LONP2: variants seen among roughly 807,000 people sequenced by gnomAD.
LONP2 encodes lon peptidase 2, peroxisomal.
LONP2 carries 60 observed loss-of-function variants against 85.6 expected under a neutral mutation model. The ratio of observed to expected loss-of-function variants is 0.70; its 90% confidence interval spans 0.57 to 0.87. LONP2 has a LOEUF of 0.87. Among genes scored for constraint, LONP2 ranks in the 40% least tolerant of loss-of-function variants. LONP2 has a pLI of 0.00. For missense variants in LONP2, 860 were observed against 1,063.5 expected (o/e 0.81, Z 2.66); for synonymous variants, 395 against 389.7 (o/e 1.01, Z -0.16).
intron 4 of LONP2, among the ~76,000 whole-genome samples, chr16:48,259,328 T>C (rs1242552723): frequency 6.6e-6 from 1 of 152,204 alleles, no homozygotes; most frequent in Non-Finnish European, 1.5e-5. Flanking sequence ...TTCCCTCAAA[T>C]AGCTTTTTGT....
chr16:48,347,767 A>G, intron 13 of LONP2, 53 bp downstream of exon 13: 1 of 1,528,228 alleles, frequency 6.5e-7, no homozygotes, highest in East Asian at 2.3e-5. Context: ...GGTACCTTCC[A>G]TGGCGGAGAC....
chr16:48,359,447 G>T (rs183632464), downstream of LONP2, among the ~76,000 whole-genome samples: 97 of 152,284 alleles, frequency 6.4e-4, no homozygotes, highest in African/African-American at 2.3e-3. Flanking sequence ...ACGCAAGGCC[G>T]GGCGCGGTGG....
rs1960229409 is a variant in LONP2, at chr16:48,353,667, TAAC to T, written c.*1866_*1868del. ...TTTGAAAATATGCCATTGACTATCT[TAAC>T]TACTGTAATTTTATCATTTCCAACG... On this transcript the variant is annotated 3_prime_UTR_variant, in exon 15 of 15. Transcript: ENST00000285737. The T allele has an allele frequency of 6.6e-6, 1 of 152,158 alleles. No homozygotes were observed. Among genetic ancestry groups the T allele is most frequent in the African/African-American group, 2.4e-5 (1 of 41,434 alleles). The allele number at this position is 152,158 out of a possible 1,614,324, so 9.4% of individuals were successfully genotyped here.
intron 8 of LONP2, 148 bp downstream of exon 8, chr16:48,277,627 CTTAAA>C (rs774596692): frequency 1.4e-4 from 88 of 633,694 alleles, no homozygotes; most frequent in Middle Eastern, 4.2e-4. Context: ...CAATTTGGCA[CTTAAA>C]TTAAAATGTT....
At chr16:48,253,359 A>G (rs574762589) in intron 2 of LONP2, among the ~76,000 whole-genome samples, 2 of 151,890 alleles carry the variant, frequency 1.3e-5, no homozygotes, top group African/African-American at 4.8e-5. Flanking sequence ...AGTCCCAGCT[A>G]CTGGGGAGGC....
chr16:48,275,697 G>A (rs927258709), intron 7 of LONP2, among the ~76,000 whole-genome samples: 1 of 152,138 alleles, frequency 6.6e-6, no homozygotes, highest in Non-Finnish European at 1.5e-5. Flanking sequence ...CTTGATTGTG[G>A]TTGAAGCAAG....
At position 48,354,030 on chromosome 16, in the gene LONP2, G is replaced by A. The variant is rs1960242402; in HGVS notation, c.*2228G>A. 1 of 129,910 alleles carries A rather than the reference G, an allele frequency of 7.7e-6. No individual in the cohort carries two copies. The highest frequency in any genetic ancestry group is 2.9e-5 in the African/African-American group (1 of 34,028). 8.0% of individuals were successfully genotyped at this position (129,910 alleles called of 1,614,324 possible). Reference sequence around the variant, plus strand: ...TTTTTAATTCCAGGGGTGGGAGGTTGGTTGGTTGAAGTCTAAGCTCTTCCT... The same window carrying A: ...TTTTTAATTCCAGGGGTGGGAGGTTAGTTGGTTGAAGTCTAAGCTCTTCCT... On this transcript the variant is annotated 3_prime_UTR_variant, in exon 15 of 15. Transcript: ENST00000285737.
At chr16:48,357,699 T>C (rs1960427719), downstream of LONP2, among the ~76,000 whole-genome samples, 3 of 152,240 alleles carry the variant, frequency 2.0e-5, no homozygotes. Flanking sequence ...CTACCATTAG[T>C]AGAATCACTG....
At chr16:48,245,948 T>C (rs1385807490) in intron 1 of LONP2, among the ~76,000 whole-genome samples, 1 of 152,192 alleles carries the variant, frequency 6.6e-6, no homozygotes, top group Non-Finnish European at 1.5e-5. Context: ...GCTTCTCCTT[T>C]CCTGGCAGTT....
intron 12 of LONP2, chr16:48,344,299 C>T (rs1034543868): frequency 6.6e-6 from 1 of 152,160 alleles, no homozygotes; most frequent in Non-Finnish European, 1.5e-5. Context: ...ATTGTAGGTC[C>T]TTTGCTTCTT....
chr16:48,263,595 C>T (rs1005606931), intron 6 of LONP2, among the ~76,000 whole-genome samples: 1 of 152,148 alleles, frequency 6.6e-6, no homozygotes, highest in African/African-American at 2.4e-5. Context: ...TTTCTTTATT[C>T]ACTTATGTGT....
At chr16:48,340,249 T>G (rs1419284943) in intron 12 of LONP2, among the ~76,000 whole-genome samples, 1 of 152,226 alleles carries the variant, frequency 6.6e-6, no homozygotes, top group African/African-American at 2.4e-5. Flanking sequence ...GCTTGATGTC[T>G]TCCTCTGATA....
At chr16:48,296,910 C>T (rs1972685571) in intron 9 of LONP2, among the ~76,000 whole-genome samples, 1 of 152,022 alleles carries the variant, frequency 6.6e-6, no homozygotes, top group African/African-American at 2.4e-5. Flanking sequence ...TAAGTTATAG[C>T]ATTTTCACCT....
chr16:48,265,056 AG>A (rs1971962495), intron 6 of LONP2, among the ~76,000 whole-genome samples: 1 of 152,132 alleles, frequency 6.6e-6, no homozygotes, highest in Non-Finnish European at 1.5e-5. Context: ...AGTCATGATA[AG>A]CACCTATTTG....
At chr16:48,348,312 A>G in intron 14 of LONP2, 22 bp downstream of exon 14, 1 of 1,362,912 alleles carries the variant, frequency 7.3e-7, no homozygotes, top group Non-Finnish European at 9.7e-7. Context: ...AAAACAATTT[A>G]TATGGTTATT....
chr16:48,292,365 A>G (rs1405243758), intron 8 of LONP2, among the ~76,000 whole-genome samples: 4 of 152,128 alleles, frequency 2.6e-5, no homozygotes, highest in South Asian at 2.1e-4. Context: ...GGAGATATGT[A>G]GCTTTTTTTG....
At chr16:48,331,855 C>T (rs995398778) in intron 11 of LONP2, among the ~76,000 whole-genome samples, 5 of 152,228 alleles carry the variant, frequency 3.3e-5, no homozygotes, top group African/African-American at 4.8e-5. Flanking sequence ...TGAGCCACCA[C>T]GCCTGGCCAG....
chr16:48,289,458 G>T lies in LONP2; in HGVS notation c.1384-6557G>T, dbSNP rs1356645602. Among the ~76,000 whole-genome samples, 7 of 152,274 alleles carry T rather than the reference G, an allele frequency of 4.6e-5. No individual in the cohort carries two copies. The East Asian group carries it at 1.4e-3, about 29-fold the overall frequency. On this transcript the variant is annotated intron_variant, in intron 8 of 14. Coordinates refer to ENST00000285737, the MANE Select transcript of LONP2 (RefSeq NM_031490.5). ...TTTCTGATTAGCCTTTCCAAAGGGGGCAATCAGGTTTACCTCAGTGAGCAG... is the reference window on the plus strand; with the variant it reads ...TTTCTGATTAGCCTTTCCAAAGGGGTCAATCAGGTTTACCTCAGTGAGCAG...
At chr16:48,349,031 T>G (rs1960059861) in intron 14 of LONP2, among the ~76,000 whole-genome samples, 1 of 152,154 alleles carries the variant, frequency 6.6e-6, no homozygotes, top group Non-Finnish European at 1.5e-5. Context: ...GAATGGAAAC[T>G]CTAATAAAGA....
Sources: allele counts gnomAD v4.1 joint callset (sites outside exome capture counted in the v4.1 genomes callset), GRCh38; gene constraint gnomAD v4.1.1; transcripts MANE v1.5; gene names NCBI Gene and HGNC (gene_info 2026-07-23, HGNC 2026-07-21).